Variants in CCP110 observed in about 807,000 individuals in gnomAD.
CCP110 encodes centriolar coiled-coil protein of 110 kDa.
A neutral mutation model predicts 105.5 loss-of-function variants in CCP110; 43 were observed. The ratio of observed to expected loss-of-function variants is 0.41; its 90% CI spans 0.32 to 0.53. The LOEUF is 0.53. Ranked by LOEUF, CCP110 falls within the 20% of genes least tolerant of loss-of-function variation. The pLI is 0.32. For synonymous variants in CCP110, 353 were observed against 392.1 expected (o/e 0.90, Z 1.18); for missense variants, 1,016 against 1,189.1 (o/e 0.85, Z 2.14).
exon 7 of CCP110, chr16:19,542,760 A>G: frequency 2.5e-6 from 4 of 1,612,766 alleles, no homozygotes; most frequent in Non-Finnish European, 3.4e-6. Context: ...GATGGTCTCA[A>G]GTGGGTAAAC....
chr16:19,539,035 C>T (rs1278813766), intron 4 of CCP110, among the ~76,000 whole-genome samples: 1 of 151,678 alleles, frequency 6.6e-6, no homozygotes, highest in African/African-American at 2.4e-5. Flanking sequence ...TTGGATGAAC[C>T]CAGGAGGCGG....
chr16:19,547,806 C>T (rs943192503), intron 12 of CCP110, 149 bp from the exon 13 acceptor site: 12 of 618,476 alleles, frequency 1.9e-5, no homozygotes, highest in African/African-American at 7.4e-5. Flanking sequence ...ATGCTTTAGT[C>T]GATTTGCTCT....
chr16:19,531,932 C>T lies in CCP110; in HGVS notation c.142-484C>T, dbSNP rs535586300. On this transcript the variant is annotated intron_variant, in intron 2 of 14. Coordinates refer to ENST00000381396, the Ensembl canonical transcript of CCP110. ...AGTGAGCCGAGATCGCACCACTGCA[C>T]TCCAGCCTAGGTGACAGAGCAAGAC... Among the ~76,000 whole-genome samples, 7 of 149,640 alleles carry T rather than the reference C, an allele frequency of 4.7e-5. No homozygotes were observed. In the South Asian group the frequency reaches 6.3e-4, roughly 14 times the overall value.
intron 4 of CCP110, among the ~76,000 whole-genome samples, chr16:19,538,299 G>GTTTTTTTT (rs1555491002): frequency 3.1e-4 from 27 of 86,794 alleles, no homozygotes; most frequent in African/African-American, 4.8e-4. Context: ...GGAGGAAACA[G>GTTTTTTTT]TTCTTTTTTT....
intron 5 of CCP110, among the ~76,000 whole-genome samples, chr16:19,541,649 GGAGAGAGAGAGA>G (rs142905705): frequency 3.8e-4 from 49 of 128,892 alleles, no homozygotes; most frequent in African/African-American, 8.7e-4. Flanking sequence ...GAGAGAGAGA[GGAGAGAGAGAGA>G]GAGAGAGAGA....
At chr16:19,546,322 G>T in intron 11 of CCP110, 90 bp from the exon 12 acceptor site, 1 of 748,628 alleles carries the variant, frequency 1.3e-6, no homozygotes, top group Non-Finnish European at 2.2e-6. Context: ...TCTAAATGAT[G>T]ATTTGTTTCT....
intron 14 of CCP110, 86 bp from the exon 14 acceptor site, chr16:19,551,109 GT>G (rs1436828689): frequency 2.0e-5 from 16 of 807,660 alleles, no homozygotes; most frequent in Admixed American, 5.3e-5. Context: ...CTAGCTCAGT[GT>G]TTGTTCCAGA....
chr16:19,540,003 G>A (rs8046822), intron 4 of CCP110, among the ~76,000 whole-genome samples: 4,228 of 151,828 alleles, frequency 0.028, 78 homozygotes, highest in Non-Finnish European at 0.042. Flanking sequence ...TGCTGGTCTC[G>A]AACTCCTGAC....
intron 1 of CCP110, chr16:19,525,423 T>C (rs1969637240): frequency 6.6e-6 from 1 of 152,242 alleles, no homozygotes; most frequent in Non-Finnish European, 1.5e-5. Context: ...GGTAGCCTTG[T>C]AGTCAGGGCT....
chr16:19,551,538 AC>A, exon 15 of CCP110: 1 of 312,076 alleles, frequency 3.2e-6, no homozygotes, highest in Non-Finnish European at 5.9e-6. Flanking sequence ...GTCTACAGAG[AC>A]CCTTTTTGTA....
chr16:19,534,455 T>C (rs1969978811), intron 3 of CCP110, among the ~76,000 whole-genome samples: 1 of 152,200 alleles, frequency 6.6e-6, no homozygotes, highest in African/African-American at 2.4e-5. Flanking sequence ...CTTGTTGTTA[T>C]TTAACTTGTC....
exon 15 of CCP110, chr16:19,551,373 A>C: frequency 1.2e-6 from 1 of 807,520 alleles, no homozygotes; most frequent in African/African-American, 1.7e-5. Context: ...AAGGCTGAGC[A>C]CTTATCTGGA....
chr16:19,545,101 C>T, exon 10 of CCP110: 2 of 1,593,660 alleles, frequency 1.3e-6, no homozygotes, highest in South Asian at 1.1e-5. Flanking sequence ...TAGTTGCGAG[C>T]TGCCTTGTAC....
chr16:19,551,416 AC>A, exon 15 of CCP110: 1 of 666,562 alleles, frequency 1.5e-6, no homozygotes, highest in South Asian at 1.8e-5. Flanking sequence ...CCTGCTCCAC[AC>A]CCCTATTTTC....
intron 12 of CCP110, chr16:19,547,152 A>ACC (rs1970490163): frequency 6.6e-6 from 1 of 152,266 alleles, no homozygotes; most frequent in African/African-American, 2.4e-5. Flanking sequence ...CATGCTTGTT[A>ACC]TCCTAGCAGT....
intron 1 of CCP110, chr16:19,524,817 T>A (rs1969614047): frequency 6.6e-6 from 1 of 152,214 alleles, no homozygotes; most frequent in Non-Finnish European, 1.5e-5. Flanking sequence ...GCACTGTCGC[T>A]GCCCTCCAGG....
intron 3 of CCP110, among the ~76,000 whole-genome samples, chr16:19,533,972 A>T (rs148193488): frequency 1.3e-5 from 2 of 152,320 alleles, no homozygotes; most frequent in African/African-American, 4.8e-5. Context: ...TCAGAATCTG[A>T]TGAAAAAGTC....
chr16:19,531,066 C>CT (rs1176818183), intron 2 of CCP110, among the ~76,000 whole-genome samples: 2 of 152,220 alleles, frequency 1.3e-5, no homozygotes, highest in Non-Finnish European at 2.9e-5. Context: ...CCAGATGGCT[C>CT]TTTAAAGTAC....
At chr16:19,537,573 G>C (rs1343816605) in exon 4 of CCP110, 1 of 1,563,158 alleles carries the variant, frequency 6.4e-7, no homozygotes. Context: ...AAAATGTTAG[G>C]AACTAGTTCC....
Sources: gnomAD v4.1 joint callset for allele counts (sites outside exome capture counted in the v4.1 genomes callset) on GRCh38, gnomAD v4.1.1 for gene constraint, MANE v1.5 for transcripts, NCBI Gene and HGNC (gene_info 2026-07-23, HGNC 2026-07-21) for gene names.